HYKK: variants seen among roughly 807,000 people sequenced by gnomAD.
The protein encoded by HYKK is 5-hydroxy-L-lysine kinase.
A neutral mutation model predicts 29.7 loss-of-function variants in HYKK; 19 were observed. The observed-to-expected ratio is 0.64, with a 90% CI of 0.45 to 0.94. HYKK has a LOEUF of 0.94. Ranked by LOEUF, HYKK falls within the 40% of genes least tolerant of loss-of-function variation. HYKK has a pLI of 0.00. For synonymous variants in HYKK, 152 were observed against 158.1 expected, an observed-to-expected ratio of 0.96 and a Z score of 0.29; for missense variants, 390 against 443.4, an observed-to-expected ratio of 0.88 and a Z score of 1.08.
At chr15:78,530,129 G>T (rs1037010019) in intron 4 of HYKK, among the ~76,000 whole-genome samples, 1 of 151,724 alleles carries the variant, frequency 6.6e-6, no homozygotes, top group African/African-American at 2.4e-5. Flanking sequence ...ACCGCACCAG[G>T]CCCCTGTTAT....
chr15:78,509,209 G>A (rs991702446), intron 1 of HYKK, among the ~76,000 whole-genome samples: 6 of 152,112 alleles, frequency 3.9e-5, no homozygotes, highest in African/African-American at 9.7e-5. Flanking sequence ...GAAAAAAGGC[G>A]AACTTAAAGA....
chr15:78,522,870 C>A (rs1168758080), intron 3 of HYKK, among the ~76,000 whole-genome samples: 1 of 151,566 alleles, frequency 6.6e-6, no homozygotes, highest in African/African-American at 2.4e-5. Context: ...CAGAGTGAGA[C>A]TCTGTCTCAG....
At position 78,533,714 on chromosome 15, in the gene HYKK, T is replaced by G. The variant is rs988049810; in HGVS notation, c.*44T>G. 1 of 1,408,894 alleles carries G rather than the reference T, an allele frequency of 7.1e-7. No homozygotes were observed. The highest frequency in any genetic ancestry group is 9.9e-7 in the Non-Finnish European group (1 of 1,007,650). The allele number at this position is 1,408,894 out of a possible 1,614,324, so 87.3% of individuals were successfully genotyped here. A position where few individuals can be genotyped will look rare whatever the true frequency, so the allele number is the denominator to read the frequency against. On this transcript the variant is annotated 3_prime_UTR_variant, in exon 5 of 5. Coordinates refer to ENST00000388988, the MANE Select transcript of HYKK (RefSeq NM_001013619.4). ...TCAAAGTTCACTTTAACTTGGGTAA[T>G]TAAAATAGGACCCAGTCAAATTTTA...
rs138324949 is a variant in HYKK at position 78,509,840 on chromosome 15, G to A, written c.-6+2169G>A. ...TACCTTCAGTGAACAAAATCTGAAC[G>A]GCTTAACTTGCTTCTGAAAGCAAAT... On this transcript the variant is annotated intron_variant, in intron 1 of 4. Transcript: ENST00000388988. Among the ~76,000 whole-genome samples, 36 of 152,272 alleles carry A rather than the reference G, an allele frequency of 2.4e-4. No homozygotes were observed. In the East Asian group the frequency reaches 6.6e-3, roughly 28 times the overall value.
chr15:78,533,002 T>C (rs2052326418), intron 4 of HYKK, among the ~76,000 whole-genome samples: 1 of 151,758 alleles, frequency 6.6e-6, no homozygotes, highest in African/African-American at 2.4e-5. Context: ...TCTGGCCTTG[T>C]ACTGATGAGA....
intron 3 of HYKK, among the ~76,000 whole-genome samples, chr15:78,518,287 A>G (rs974004353): frequency 2.0e-5 from 3 of 152,152 alleles, no homozygotes; most frequent in Admixed American, 6.5e-5. Context: ...TCCCAGGCTC[A>G]AGGGATTCTC....
rs2082135424 is a variant in HYKK, at chr15:78,533,408, TC to T, written c.862del (p.Ala289GlnfsTer9). 3 of 1,614,230 alleles carry T rather than the reference TC, an allele frequency of 1.9e-6. No individual in the cohort carries two copies. The East Asian group carries it at 6.7e-5, about 36-fold the overall frequency. On this transcript the variant is annotated frameshift_variant, in exon 5 of 5. Coordinates refer to ENST00000388988, the MANE Select transcript of HYKK (RefSeq NM_001013619.4). LOFTEE classifies it high-confidence loss of function. ...SKSPIQVGGHVLAGFESITPL... is the reference protein window; with the variant it reads ...SKSPIQVGGHXLAGFESITPL... ...AGTCCTATACAAGTAGGAGGCCATG[TC>T]CTTGCAGGGTTTGAAAGCATCACCC...
intron 3 of HYKK, among the ~76,000 whole-genome samples, chr15:78,523,244 CTT>C (rs2052216317): frequency 1.3e-5 from 2 of 152,158 alleles, no homozygotes; most frequent in Non-Finnish European, 2.9e-5. Flanking sequence ...CCTCAGGAAG[CTT>C]CTAATCATGG....
intron 2 of HYKK, 41 bp from the exon 3 acceptor site, chr15:78,514,927 T>TATATAA (rs760397375): frequency 1.2e-6 from 1 of 849,386 alleles, no homozygotes; most frequent in East Asian, 3.7e-5. Flanking sequence ...TATATATATA[T>TATATAA]AAATAATTTA....
intron 1 of HYKK, among the ~76,000 whole-genome samples, chr15:78,511,968 A>T (rs1383576170): frequency 6.6e-6 from 1 of 152,220 alleles, no homozygotes; most frequent in Non-Finnish European, 1.5e-5. Context: ...GTTTTGGCAG[A>T]TATTAATTTC....
intron 1 of HYKK, among the ~76,000 whole-genome samples, chr15:78,510,240 T>C (rs1157279192): frequency 6.6e-6 from 1 of 151,976 alleles, no homozygotes; most frequent in East Asian, 1.9e-4. Context: ...TGGAGTGAAG[T>C]GACGCAGTCT....
chr15:78,512,056 C>T (rs2052078499), intron 1 of HYKK, among the ~76,000 whole-genome samples: 1 of 152,174 alleles, frequency 6.6e-6, no homozygotes, highest in African/African-American at 2.4e-5. Flanking sequence ...TTCCTCTCAG[C>T]AGTGGAAAAC....
At chr15:78,526,654 C>CAGAG (rs2052257532) in intron 3 of HYKK, among the ~76,000 whole-genome samples, 1 of 152,116 alleles carries the variant, frequency 6.6e-6, no homozygotes, top group South Asian at 2.1e-4. Context: ...AAGATGAAGT[C>CAGAG]AGAGAGGTTA....
intron 3 of HYKK, among the ~76,000 whole-genome samples, chr15:78,520,555 G>T (rs1379470008): frequency 6.6e-6 from 1 of 152,134 alleles, no homozygotes; most frequent in Non-Finnish European, 1.5e-5. Flanking sequence ...AGGGTTGGGG[G>T]TAAGGTCACA....
intron 3 of HYKK, among the ~76,000 whole-genome samples, chr15:78,521,844 T>C (rs904949072): frequency 1.3e-5 from 2 of 152,104 alleles, no homozygotes; most frequent in South Asian, 2.1e-4. Flanking sequence ...CAGTACCCCA[T>C]ACTAGAGCTG....
At chr15:78,510,829 T>A (rs577763433) in intron 1 of HYKK, among the ~76,000 whole-genome samples, 82 of 152,296 alleles carry the variant, frequency 5.4e-4, no homozygotes, top group Non-Finnish European at 7.6e-4. Flanking sequence ...TTTTGACAAA[T>A]GTAAGCCATG....
chr15:78,518,690 G>C, intron 3 of HYKK: 1 of 425,696 alleles, frequency 2.3e-6, no homozygotes, highest in African/African-American at 2.1e-5. Context: ...GGCCGAGGCA[G>C]GTGGATCACC....
rs764819699 is a variant in HYKK at position 78,514,928 on chromosome 15, A to G, written c.338-40A>G. 23 of 899,040 alleles carry G rather than the reference A, an allele frequency of 2.6e-5. No homozygotes were observed. The African/African-American group carries it at 3.8e-4, about 15-fold the overall frequency. The allele number at this position is 899,040 out of a possible 1,614,324, so 55.7% of individuals were successfully genotyped here. A position where few individuals can be genotyped will look rare whatever the true frequency, so the allele number is the denominator to read the frequency against. ...TCTCTCTATATATATATATATATAT[A>G]AATAATTTAGTCAAAGGATATTTTA... On this transcript the variant is annotated intron_variant, in intron 2 of 4. Transcript: ENST00000388988.
In HYKK at chr15:78,533,699, C is replaced by G. The variant is rs955118314; in HGVS notation, c.*29C>G. ...AGATCTCCATGTGACTCAAAGTTCA[C>G]TTTAACTTGGGTAATTAAAATAGGA... On this transcript the variant is annotated 3_prime_UTR_variant, in exon 5 of 5. Coordinates refer to ENST00000388988, the MANE Select transcript of HYKK (RefSeq NM_001013619.4). 2.7e-5 allele frequency: 41 copies of G among 1,532,016 alleles called. No homozygotes were observed. The highest frequency in any genetic ancestry group is 3.6e-5 in the Non-Finnish European group (40 of 1,112,362). 94.9% of individuals were successfully genotyped at this position (1,532,016 alleles called of 1,614,324 possible).
Sources: gnomAD v4.1 joint callset for allele counts (sites outside exome capture counted in the v4.1 genomes callset) on GRCh38, gnomAD v4.1.1 for gene constraint, MANE v1.5 for transcripts, NCBI Gene and HGNC (gene_info 2026-07-23, HGNC 2026-07-21) for gene names.